Variants in DLGAP3 observed in about 807,000 individuals in gnomAD.
DLGAP3 encodes the protein DLG associated protein 3, also known as disks large-associated protein 3.
DLGAP3 carries 17 observed loss-of-function variants against 81.2 expected under a neutral mutation model. The ratio of observed to expected loss-of-function variants is 0.21; its 90% CI spans 0.14 to 0.31. DLGAP3 has a LOEUF of 0.31. Among genes scored for constraint, DLGAP3 ranks in the 10% least tolerant of loss-of-function variants. DLGAP3 has a pLI of 1.00. For missense variants in DLGAP3, 1,124 were observed against 1,388.0 expected (o/e 0.81, Z 3.02); for synonymous variants, 577 against 587.4 (o/e 0.98, Z 0.26).
chr1:34,920,584 A>G lies in DLGAP3; in HGVS notation c.-135+8867T>C, dbSNP rs561015369. Reference sequence around the variant, plus strand: ...ATTGTGTCTCTTTTTCTCCACTCCCACTGCTGGTGTTCTACATCAGGCCAC... The same window carrying G: ...ATTGTGTCTCTTTTTCTCCACTCCCGCTGCTGGTGTTCTACATCAGGCCAC... On this transcript the variant is annotated intron_variant, in intron 1 of 11. Coordinates refer to ENST00000373347, the MANE Select transcript of DLGAP3 (RefSeq NM_001080418.3). 3.3e-5 allele frequency among the ~76,000 whole-genome samples: 5 copies of G among 152,218 alleles called. No individual in the cohort carries two copies. The South Asian group carries it at 1.0e-3, about 32-fold the overall frequency.
intron 1 of DLGAP3, among the ~76,000 whole-genome samples, chr1:34,928,938 C>A (rs1016704650): frequency 3.9e-5 from 6 of 151,998 alleles, no homozygotes; most frequent in Non-Finnish European, 7.4e-5. Flanking sequence ...AACATGCACA[C>A]ACACTCTCGC....
intron 5 of DLGAP3, among the ~76,000 whole-genome samples, chr1:34,899,087 CTTTT>C (rs58075518): frequency 5.3e-4 from 75 of 142,094 alleles, no homozygotes; most frequent in Non-Finnish European, 6.6e-4. Context: ...ATCAATTCTA[CTTTT>C]TTTTTTTTTT....
intron 1 of DLGAP3, among the ~76,000 whole-genome samples, chr1:34,924,373 T>C (rs2148422003): frequency 6.6e-6 from 1 of 152,216 alleles, no homozygotes; most frequent in Non-Finnish European, 1.5e-5. Context: ...TGCTTAAAAA[T>C]CTTCCTCCCC....
chr1:34,908,004 G>C (rs1211512411), intron 1 of DLGAP3, among the ~76,000 whole-genome samples: 1 of 152,172 alleles, frequency 6.6e-6, no homozygotes, highest in South Asian at 2.1e-4. Flanking sequence ...GACTTTCTGT[G>C]CTCTTATTCT....
intron 5 of DLGAP3, among the ~76,000 whole-genome samples, chr1:34,898,581 C>T (rs1340439043): frequency 6.6e-6 from 1 of 152,230 alleles, no homozygotes; most frequent in African/African-American, 2.4e-5. Context: ...CAGTCTTTTG[C>T]ATTGCATTTT....
At chr1:34,866,785 C>A (rs1638887910) in intron 11 of DLGAP3, among the ~76,000 whole-genome samples, 1 of 64,736 alleles carries the variant, frequency 1.5e-5, no homozygotes, top group African/African-American at 3.8e-5. Flanking sequence ...GCCGCCGCCA[C>A]CCCCCCAACC....
chr1:34,912,562 A>C (rs1639654988), intron 1 of DLGAP3, among the ~76,000 whole-genome samples: 1 of 152,118 alleles, frequency 6.6e-6, no homozygotes, highest in South Asian at 2.1e-4. Context: ...CAATCCCCTC[A>C]CCTGGAGCCT....
In DLGAP3 at chr1:34,905,089, A is replaced by C; in HGVS notation, c.295T>G (p.Phe99Val). The C allele has an allele frequency of 1.9e-6, 3 of 1,591,570 alleles. No homozygotes were observed. The highest frequency in any genetic ancestry group is 2.6e-6 in the Non-Finnish European group (3 of 1,168,978). Residue 99 changes from phenylalanine (F) to valine (V), a missense_variant, in exon 3 of 12, where the codon TTC (phenylalanine) becomes GTC (valine). By Grantham distance (50) the Phe-to-Val change is conservative (BLOSUM62 -1). This residue lies in a region of DLGAP3 where 167 missense variants were observed against 172.1 expected (regional missense o/e 0.97). Coordinates refer to ENST00000373347, the MANE Select transcript of DLGAP3 (RefSeq NM_001080418.3). ...CCCACACAGTCTTCACAGGTGTCGA[A>C]GGGGCCCTGGCCAGGGTACATCCTG... ...FPRMYPGQGP[F>V]DTCEDCVGHP...
At chr1:34,914,992 A>G (rs1639694745) in intron 1 of DLGAP3, among the ~76,000 whole-genome samples, 1 of 152,132 alleles carries the variant, frequency 6.6e-6, no homozygotes, top group African/African-American at 2.4e-5. Flanking sequence ...GAGGACCTTG[A>G]TTTGCAGACT....
At chr1:34,872,209 TCATGAAGGAATGGGCAGCTAA>T (rs1638991154) in intron 8 of DLGAP3, among the ~76,000 whole-genome samples, 1 of 152,100 alleles carries the variant, frequency 6.6e-6, no homozygotes. Flanking sequence ...CAGAAAGGTC[TCATGAAGGAATGGGCAGCTAA>T]CATGGAAAAC....
At chr1:34,889,768 T>A (rs1458698038) in intron 5 of DLGAP3, among the ~76,000 whole-genome samples, 1 of 152,140 alleles carries the variant, frequency 6.6e-6, no homozygotes, top group African/African-American at 2.4e-5. Flanking sequence ...ATAGCTGAGC[T>A]CACAAGAAAG....
rs1038847711 is a variant in DLGAP3, at chr1:34,902,456, C to G, written c.1107+1821G>C. Among the ~76,000 whole-genome samples the G allele has an allele frequency of 1.3e-5, 2 of 152,088 alleles. No homozygotes were observed. The highest frequency in any genetic ancestry group is 1.3e-4 in the Admixed American group (2 of 15,286). On this transcript the variant is annotated intron_variant, in intron 3 of 11. Transcript: ENST00000373347. This position sits in a 1 kb window ranked among gnomAD's most constrained non-coding sequence, Gnocchi z 4.4. ...AAAAGGCTTAAGAGAAAGCTGGTACCCAGTGGGAGAAACAGGGCTTTGACA... is the reference window on the plus strand; with the variant it reads ...AAAAGGCTTAAGAGAAAGCTGGTACGCAGTGGGAGAAACAGGGCTTTGACA...
chr1:34,925,714 G>C (rs1167720530), intron 1 of DLGAP3, among the ~76,000 whole-genome samples: 1 of 152,096 alleles, frequency 6.6e-6, no homozygotes, highest in Non-Finnish European at 1.5e-5. Context: ...GGGGGCAGGG[G>C]CTACCTGAGC....
At chr1:34,870,707 C>T (rs972158795) in intron 8 of DLGAP3, among the ~76,000 whole-genome samples, 1 of 152,230 alleles carries the variant, frequency 6.6e-6, no homozygotes, top group African/African-American at 2.4e-5. Flanking sequence ...CCCACACAGT[C>T]TTCCCCTCAG....
chr1:34,928,081 G>A (rs931481716), intron 1 of DLGAP3, among the ~76,000 whole-genome samples: 1 of 152,214 alleles, frequency 6.6e-6, no homozygotes, highest in Non-Finnish European at 1.5e-5. Flanking sequence ...TCCCAAGGCT[G>A]TTGGGGAAAT....
intron 1 of DLGAP3, among the ~76,000 whole-genome samples, chr1:34,913,253 T>A (rs1050765089): frequency 6.6e-6 from 1 of 152,176 alleles, no homozygotes; most frequent in African/African-American, 2.4e-5. Context: ...GAAAATGGGT[T>A]TACAGCTCCA....
intron 5 of DLGAP3, among the ~76,000 whole-genome samples, chr1:34,890,503 C>T (rs1001232118): frequency 2.6e-5 from 4 of 152,230 alleles, no homozygotes; most frequent in Non-Finnish European, 5.9e-5. Flanking sequence ...GATATCACTT[C>T]TGAGATTAGG....
In DLGAP3 at chr1:34,867,451, C is replaced by G; in HGVS notation, c.2577+85G>C. 7.9e-7 allele frequency: 1 copy of G among 1,263,840 alleles called. No homozygotes were observed. Among genetic ancestry groups the G allele is most frequent in the Non-Finnish European group, 1.2e-6 (1 of 860,986 alleles). 78.3% of individuals were successfully genotyped at this position (1,263,840 alleles called of 1,614,324 possible). On this transcript the variant is annotated intron_variant, in intron 10 of 11. Transcript: ENST00000373347. The surrounding 1 kb of genome is among the most constrained non-coding windows in gnomAD (Gnocchi z 4.3). The stretch of plus-strand genomic sequence containing the variant: ...GTCTCACCTCTGGTACACACTCACT[C>G]TGGGTCACCTGCCTGTCTCACCTCC...
At chr1:34,870,882 T>C (rs568564349) in intron 8 of DLGAP3, among the ~76,000 whole-genome samples, 4 of 152,346 alleles carry the variant, frequency 2.6e-5, no homozygotes, top group African/African-American at 7.2e-5. Context: ...ACTGTGTGCC[T>C]TTGTCACTCA....
Sources: allele counts gnomAD v4.1 joint callset (sites outside exome capture counted in the v4.1 genomes callset), GRCh38; gene constraint gnomAD v4.1.1; regional missense constraint gnomAD v4.1.1; non-coding constraint Gnocchi (gnomAD v3.1); transcripts MANE v1.5; gene names NCBI Gene and HGNC (gene_info 2026-07-23, HGNC 2026-07-21).